Variants in NKX6-3 observed in about 807,000 individuals in gnomAD.
NKX6-3 encodes homeobox protein Nkx-6.3.
NKX6-3 carries 17 observed loss-of-function variants against 22.0 expected under a neutral mutation model. The observed-to-expected ratio is 0.77, with a 90% CI of 0.53 to 1.16. The LOEUF is 1.16. Ranked by LOEUF, NKX6-3 falls within the 50% of genes most tolerant of loss-of-function variation. The pLI is 0.00. For missense variants in NKX6-3, 363 were observed against 359.0 expected, an observed-to-expected ratio of 1.01 and a Z score of -0.09; for synonymous variants, 177 against 167.2, an observed-to-expected ratio of 1.06 and a Z score of -0.45.
intron 1 of NKX6-3, among the ~76,000 whole-genome samples, chr8:41,649,351 G>A (rs905295065): frequency 6.6e-6 from 1 of 152,138 alleles, no homozygotes; most frequent in Admixed American, 6.5e-5. Flanking sequence ...GCAGGGCTTC[G>A]GTGGCACGGA....
chr8:41,648,676 A>G (rs2150520002), intron 1 of NKX6-3, among the ~76,000 whole-genome samples: 1 of 152,298 alleles, frequency 6.6e-6, no homozygotes, highest in African/African-American at 2.4e-5. Flanking sequence ...TCAACTTCCC[A>G]GGTCTCCAGG....
At chr8:41,649,556 G>A (rs1044535551) in intron 1 of NKX6-3, among the ~76,000 whole-genome samples, 10 of 152,204 alleles carry the variant, frequency 6.6e-5, no homozygotes, top group African/African-American at 9.6e-5. Context: ...GCAACTCCCC[G>A]AGACAGGCTA....
chr8:41,647,794 C>T (rs562717079), intron 2 of NKX6-3, among the ~76,000 whole-genome samples: 5 of 152,266 alleles, frequency 3.3e-5, no homozygotes, highest in African/African-American at 1.2e-4. Context: ...CACTGATCTT[C>T]ATCTGCGAAA....
At position 41,650,577 on chromosome 8, in the gene NKX6-3, C is replaced by T. The variant is rs1430687157; in HGVS notation, c.-85G>A. 18 of 1,390,758 alleles carry T rather than the reference C, an allele frequency of 1.3e-5. No homozygotes were observed. Among genetic ancestry groups the T allele is most frequent in the Non-Finnish European group, 1.6e-5 (17 of 1,036,980 alleles). 86.2% of individuals were successfully genotyped at this position (1,390,758 alleles called of 1,614,324 possible). A position where few individuals can be genotyped will look rare whatever the true frequency, so the allele number is the denominator to read the frequency against. The stretch of plus-strand genomic sequence containing the variant: ...TCTAGCCCCAAATCTCATGGCAGGC[C>T]TGGAGGCTTAGGACCGTCTCCGAGC... On this transcript the variant is annotated 5_prime_UTR_variant, in exon 1 of 3. Coordinates refer to ENST00000518699, the MANE Select transcript of NKX6-3 (RefSeq NM_001364841.2).
At position 41,646,585 on chromosome 8, in the gene NKX6-3, C is replaced by A. The variant is rs746508849; in HGVS notation, c.662G>T (p.Arg221Leu). The A allele has an allele frequency of 5.7e-6, 9 of 1,577,330 alleles. No individual in the cohort carries two copies. Among genetic ancestry groups the A allele is most frequent in the Non-Finnish European group, 7.7e-6 (9 of 1,162,286 alleles). ...GTCGTCCTCGTTCTCCGAGGGTGCG[C>A]GGTCCCCGCCTGCGCCTGCACCCGC... ...GGAGAGAGGD[R>L]APSENEDDEY... is the part of the protein sequence containing the mutation. The change falls in exon 3 of 3, where the codon CGC (arginine) becomes CTC (leucine). Residue 221 changes from arginine (R) to leucine (L), a missense_variant. By Grantham distance (102) the Arg-to-Leu change is moderately radical. Coordinates refer to ENST00000518699, the MANE Select transcript of NKX6-3 (RefSeq NM_001364841.2).
In NKX6-3 at chr8:41,646,351, C is replaced by A; in HGVS notation, c.*98G>T. 4 of 1,466,210 alleles carry A rather than the reference C, an allele frequency of 2.7e-6. No homozygotes were observed. Among genetic ancestry groups the A allele is most frequent in the East Asian group, 2.5e-5 (1 of 40,196 alleles). The allele number at this position is 1,466,210 out of a possible 1,614,324, so 90.8% of individuals were successfully genotyped here. A position where few individuals can be genotyped will look rare whatever the true frequency, so the allele number is the denominator to read the frequency against. On this transcript the variant is annotated 3_prime_UTR_variant, in exon 3 of 3. Transcript: ENST00000518699. ...CCCTCATCCAAAGAAAGACTCAGTC[C>A]CTGCGCCCCCAGGAGCGTGGGGAAG...
Position 41,650,605 on chromosome 8 carries a change from C to G in NKX6-3, c.-113G>C. 9.1e-7 allele frequency: 1 copy of G among 1,093,640 alleles called. No individual in the cohort carries two copies. Among genetic ancestry groups the G allele is most frequent in the Non-Finnish European group, 1.3e-6 (1 of 784,474 alleles). The allele number at this position is 1,093,640 out of a possible 1,614,324, so 67.7% of individuals were successfully genotyped here. Reference sequence around the variant, plus strand: ...GAGGCTTAGGACCGTCTCCGAGCTCCTGACTGCCTCCCACCTAAGGCATGG... The same window carrying G: ...GAGGCTTAGGACCGTCTCCGAGCTCGTGACTGCCTCCCACCTAAGGCATGG... On this transcript the variant is annotated 5_prime_UTR_variant, in exon 1 of 3. Transcript: ENST00000518699.
chr8:41,648,872 C>T (rs1456111218), intron 1 of NKX6-3, among the ~76,000 whole-genome samples: 2 of 152,230 alleles, frequency 1.3e-5, no homozygotes, highest in African/African-American at 4.8e-5. Flanking sequence ...TGTCAGGCCT[C>T]GTTCTGTGCA....
chr8:41,649,967 G>T, intron 1 of NKX6-3, 144 bp downstream of exon 1: 1 of 875,486 alleles, frequency 1.1e-6, no homozygotes, highest in Non-Finnish European at 1.7e-6. Context: ...AGCCTGCACT[G>T]AGCTGAGGCT....
In NKX6-3 at chr8:41,650,425, T is replaced by G; in HGVS notation, c.68A>C (p.Lys23Thr). The G allele has an allele frequency of 6.5e-7, 1 of 1,535,640 alleles. No homozygotes were observed. Among genetic ancestry groups the G allele is most frequent in the Non-Finnish European group, 8.7e-7 (1 of 1,146,672 alleles). The change falls in exon 1 of 3, where the codon AAG becomes ACG. Residue 23 changes from lysine to threonine, a missense_variant. This residue lies in a region of NKX6-3 where 175 missense variants were observed against 160.9 expected (regional missense o/e 1.09). Transcript: ENST00000518699. ...NTPLAQFPEM[K>T]APVCQYSVQN... ...CACAGAGTACTGGCACACCGGGGCC[T>G]TCATCTCCGGAAACTGAGCCAGCGG...
Position 41,650,569 on chromosome 8 carries a change from T to G in NKX6-3, c.-77A>C. The G allele has an allele frequency of 6.4e-6, 9 of 1,408,960 alleles. No homozygotes were observed. Among genetic ancestry groups the G allele is most frequent in the Non-Finnish European group, 8.6e-6 (9 of 1,050,500 alleles). The allele number at this position is 1,408,960 out of a possible 1,614,324, so 87.3% of individuals were successfully genotyped here. The stretch of plus-strand genomic sequence containing the variant: ...GCCCACTCTCTAGCCCCAAATCTCA[T>G]GGCAGGCCTGGAGGCTTAGGACCGT... On this transcript the variant is annotated 5_prime_UTR_variant, in exon 1 of 3. The change abolishes an upstream ATG in the 5' untranslated region. Coordinates refer to ENST00000518699, the MANE Select transcript of NKX6-3 (RefSeq NM_001364841.2).
intron 2 of NKX6-3, chr8:41,647,293 C>A (rs1364588043): frequency 6.2e-7 from 1 of 1,602,224 alleles, no homozygotes; most frequent in Non-Finnish European, 8.5e-7. Flanking sequence ...CGGGTTGGAG[C>A]TCGGGGAGGC....
Position 41,646,367 on chromosome 8 carries a change from C to T in NKX6-3, c.*82G>A. 1 of 1,504,626 alleles carries T rather than the reference C, an allele frequency of 6.6e-7. No individual in the cohort carries two copies. Among genetic ancestry groups the T allele is most frequent in the Non-Finnish European group, 8.9e-7 (1 of 1,125,004 alleles). 93.2% of individuals were successfully genotyped at this position (1,504,626 alleles called of 1,614,324 possible). A position where few individuals can be genotyped will look rare whatever the true frequency, so the allele number is the denominator to read the frequency against. On this transcript the variant is annotated 3_prime_UTR_variant, in exon 3 of 3. Coordinates refer to ENST00000518699, the MANE Select transcript of NKX6-3 (RefSeq NM_001364841.2). Reference sequence around the variant, plus strand: ...GACTCAGTCCCTGCGCCCCCAGGAGCGTGGGGAAGGGGAGGGGAAGGTAGG... The same window carrying T: ...GACTCAGTCCCTGCGCCCCCAGGAGTGTGGGGAAGGGGAGGGGAAGGTAGG...
rs1378786240 is a variant in NKX6-3 at position 41,646,324 on chromosome 8, G to T, written c.*125C>A. 3 of 1,223,928 alleles carry T rather than the reference G, an allele frequency of 2.5e-6. No homozygotes were observed. Among genetic ancestry groups the T allele is most frequent in the African/African-American group, 2.1e-5 (1 of 48,250 alleles). The allele number at this position is 1,223,928 out of a possible 1,614,324, so 75.8% of individuals were successfully genotyped here. The stretch of plus-strand genomic sequence containing the variant: ...TGCACCTGCTGCTCCTCCTCCACGC[G>T]CCCCTCATCCAAAGAAAGACTCAGT... On this transcript the variant is annotated 3_prime_UTR_variant, in exon 3 of 3. Coordinates refer to ENST00000518699, the MANE Select transcript of NKX6-3 (RefSeq NM_001364841.2).
rs1456033041 is a variant in NKX6-3 at position 41,645,792 on chromosome 8, CA to C, written c.*656del. 1 of 152,694 alleles carries C rather than the reference CA, an allele frequency of 6.5e-6. No homozygotes were observed. Among genetic ancestry groups the C allele is most frequent in the East Asian group, 1.9e-4 (1 of 5,208 alleles). 9.5% of individuals were successfully genotyped at this position (152,694 alleles called of 1,614,324 possible). On this transcript the variant is annotated 3_prime_UTR_variant, in exon 3 of 3. Coordinates refer to ENST00000518699, the MANE Select transcript of NKX6-3 (RefSeq NM_001364841.2). ...CTCAGGGGCCGTCATCCTGCAGTGTCAGGGGCATTTTTTCTCCACTGGGATG... is the reference window on the plus strand; with the variant it reads ...CTCAGGGGCCGTCATCCTGCAGTGTCGGGGCATTTTTTCTCCACTGGGATG...
chr8:41,646,033 C>T lies in NKX6-3; in HGVS notation c.*416G>A, dbSNP rs1211246921. On this transcript the variant is annotated 3_prime_UTR_variant, in exon 3 of 3. Transcript: ENST00000518699. ...CTCCCTCCCTGGGAAGTCCTGCCCA[C>T]TCCCCCCGCCCCAACAGCTGGATCA... 2.7e-5 allele frequency: 6 copies of T among 225,716 alleles called. No homozygotes were observed. Among genetic ancestry groups the T allele is most frequent in the Non-Finnish European group, 2.6e-5 (3 of 116,360 alleles). The allele number at this position is 225,716 out of a possible 1,614,324, so 14.0% of individuals were successfully genotyped here.
At chr8:41,646,752 C>G in intron 2 of NKX6-3, 58 bp from the exon 3 acceptor site, 2 of 1,511,998 alleles carry the variant, frequency 1.3e-6, no homozygotes, top group Non-Finnish European at 1.8e-6. Context: ...GACGCGAGAA[C>G]AGCCATCCTG....
At chr8:41,649,999 G>T in intron 1 of NKX6-3, 112 bp downstream of exon 1, 4 of 1,187,704 alleles carry the variant, frequency 3.4e-6, no homozygotes, top group Non-Finnish European at 4.6e-6. Flanking sequence ...GGTTAATGGC[G>T]ACTGGGGGAG....
In NKX6-3 at chr8:41,646,421, C is replaced by T; in HGVS notation, c.*28G>A. ...CTCGGCGTCCCCCCGCAGGCTGCAG[C>T]CAGGATCCCGGGCCTGGACGGCGGG... is the stretch of plus-strand genomic sequence containing the variant. On this transcript the variant is annotated 3_prime_UTR_variant, in exon 3 of 3. Transcript: ENST00000518699. The T allele has an allele frequency of 8.9e-6, 14 of 1,570,674 alleles. No individual in the cohort carries two copies. Among genetic ancestry groups the T allele is most frequent in the South Asian group, 1.2e-5 (1 of 86,398 alleles).
Sources: gnomAD v4.1 joint callset for allele counts (sites outside exome capture counted in the v4.1 genomes callset) on GRCh38, gnomAD v4.1.1 for gene constraint, gnomAD v4.1.1 regional missense constraint, MANE v1.5 for transcripts, NCBI Gene and HGNC (gene_info 2026-07-23, HGNC 2026-07-21) for gene names.